Variants in SPAG9 observed in about 807,000 individuals in gnomAD.
The protein encoded by SPAG9 is sperm associated antigen 9, also known as C-Jun-amino-terminal kinase-interacting protein 4.
Under a neutral mutation model 166.5 loss-of-function variants are expected in SPAG9, and 35 were observed. The ratio of observed to expected loss-of-function variants is 0.21; its 90% CI spans 0.16 to 0.28. The LOEUF (loss-of-function observed/expected upper bound fraction) is 0.28. Among genes scored for constraint, SPAG9 ranks in the 10% least tolerant of loss-of-function variants. The pLI, the probability that SPAG9 is intolerant of heterozygous loss-of-function variation, is 1.00. For synonymous variants in SPAG9, 534 were observed against 565.5 expected, an observed-to-expected ratio of 0.94 and a Z score of 0.79; for missense variants, 1,235 against 1,603.3, an observed-to-expected ratio of 0.77 and a Z score of 3.92.
At chr17:50,972,778 C>G (rs2143613151) in intron 28 of SPAG9, among the ~76,000 whole-genome samples, 1 of 152,350 alleles carries the variant, frequency 6.6e-6, no homozygotes, top group Admixed American at 6.5e-5. Flanking sequence ...TGGAAGAAAT[C>G]AAGCATGCCA....
chr17:51,077,009 G>GCTATCTAGCTAT (rs1491203505), intron 2 of SPAG9, among the ~76,000 whole-genome samples: 4 of 69,386 alleles, frequency 5.8e-5, no homozygotes, highest in Admixed American at 1.7e-4. Flanking sequence ...TATCTAGCTA[G>GCTATCTAGCTAT]CTAGCTAGCT....
intron 2 of SPAG9, among the ~76,000 whole-genome samples, chr17:51,065,151 T>C (rs2047626256): frequency 6.6e-6 from 1 of 152,122 alleles, no homozygotes; most frequent in Admixed American, 6.5e-5. Context: ...ATACATAAAA[T>C]AAAATGGTGG....
intron 9 of SPAG9, among the ~76,000 whole-genome samples, chr17:51,008,363 CA>C (rs1301881812): frequency 1.3e-5 from 2 of 151,714 alleles, no homozygotes; most frequent in Admixed American, 1.3e-4. Flanking sequence ...ACTCAAAAAA[CA>C]AAAAATCAAA....
At position 50,962,519 on chromosome 17, in the gene SPAG9, C is replaced by A. The variant is rs868379189; in HGVS notation, c.*3753G>T. The A allele has an allele frequency of 9.9e-5, 15 of 152,128 alleles. No homozygotes were observed. The highest frequency in any genetic ancestry group is 9.2e-4 in the Admixed American group (14 of 15,282). 9.4% of individuals were successfully genotyped at this position (152,128 alleles called of 1,614,324 possible). The stretch of plus-strand genomic sequence containing the variant: ...ATTTAGTGTTACAGAATAGCATAAC[C>A]CTGTTAGAAAAGCATTTATGATTTC... On this transcript the variant is annotated 3_prime_UTR_variant, in exon 30 of 30. Transcript: ENST00000262013.
intron 2 of SPAG9, among the ~76,000 whole-genome samples, chr17:51,071,910 A>C (rs914235638): frequency 2.0e-5 from 3 of 151,164 alleles, no homozygotes; most frequent in African/African-American, 7.3e-5. Flanking sequence ...AAACATGAAA[A>C]CTAGAAAAGG....
chr17:51,001,071 G>T (rs930516319), intron 13 of SPAG9, among the ~76,000 whole-genome samples: 3 of 152,168 alleles, frequency 2.0e-5, no homozygotes, highest in Non-Finnish European at 2.9e-5. Context: ...GGCAATTAGA[G>T]AATGTGTTCA....
chr17:51,021,285 A>C lies in SPAG9; in HGVS notation c.864T>G (p.Ile288Met). 1 of 1,614,140 alleles carries C rather than the reference A, an allele frequency of 6.2e-7. No homozygotes were observed. The highest frequency in any genetic ancestry group is 8.5e-7 in the Non-Finnish European group (1 of 1,179,990). The change falls in exon 7 of 30, where the codon ATT (isoleucine) becomes ATG (methionine). Residue 288 changes from isoleucine to methionine, a missense_variant. This residue lies in a region of SPAG9 where 288 missense variants were observed against 323.7 expected (regional missense o/e 0.89). Transcript: ENST00000262013. ...CTTCCTTTAAGGGAGTATCAGTAGG[A>C]ATTGTTGCCACATCTGAATTAGCTG... ...ASTANSDVAT[I>M]PTDTPLKEEN...
intron 21 of SPAG9, 37 bp from the exon 22 acceptor site, chr17:50,987,274 T>C (rs756940972): frequency 6.3e-7 from 1 of 1,575,522 alleles, no homozygotes; most frequent in Non-Finnish European, 8.6e-7. Flanking sequence ...AATCTGAGTA[T>C]ACTTAACTAT....
intron 6 of SPAG9, among the ~76,000 whole-genome samples, chr17:51,026,320 GAAAAAAAAAA>G (rs55851511): frequency 1.2e-4 from 11 of 89,436 alleles, no homozygotes; most frequent in South Asian, 4.5e-4. Flanking sequence ...GGTGAAAAGA[GAAAAAAAAAA>G]AAAAAAAAAA....
chr17:51,077,749 C>G (rs1346731442), intron 2 of SPAG9, among the ~76,000 whole-genome samples: 3 of 152,094 alleles, frequency 2.0e-5, no homozygotes, highest in South Asian at 2.1e-4. Context: ...CTCCCAAGCT[C>G]AAGTGATCCT....
At chr17:50,985,459 T>C (rs1974974013) in intron 23 of SPAG9, among the ~76,000 whole-genome samples, 1 of 152,238 alleles carries the variant, frequency 6.6e-6, no homozygotes, top group African/African-American at 2.4e-5. Context: ...TTTCCTGCAG[T>C]GCTAAATAAA....
At chr17:50,999,573 T>C (rs1429957944) in intron 14 of SPAG9, 88 bp downstream of exon 14, 3 of 1,437,300 alleles carry the variant, frequency 2.1e-6, no homozygotes, top group Non-Finnish European at 2.8e-6. Context: ...GGAAAGAAAA[T>C]GGACATAAAA....
intron 21 of SPAG9, among the ~76,000 whole-genome samples, chr17:50,988,126 G>A (rs1181804421): frequency 6.6e-6 from 1 of 152,152 alleles, no homozygotes; most frequent in African/African-American, 2.4e-5. Context: ...TGAGGCAGGA[G>A]AATCGCTTGA....
At chr17:50,985,632 T>C in intron 23 of SPAG9, 66 bp downstream of exon 23, 1 of 877,352 alleles carries the variant, frequency 1.1e-6, no homozygotes, top group Non-Finnish European at 1.8e-6. Flanking sequence ...GCTTTCAAAG[T>C]CTTAAAATCT....
At position 50,998,444 on chromosome 17, in the gene SPAG9, T is replaced by C. The variant is rs2044775153; in HGVS notation, c.1838A>G (p.Glu613Gly). 1 of 1,611,872 alleles carries C rather than the reference T, an allele frequency of 6.2e-7. No homozygotes were observed. Among genetic ancestry groups the C allele is most frequent in the Non-Finnish European group, 8.5e-7 (1 of 1,179,022 alleles). Residue 613 changes from glutamate to glycine, a missense_variant and splice_region_variant, in exon 15 of 30, where the codon GAA becomes GGA. Physicochemically the swap from Glu to Gly is moderately conservative, Grantham distance 98. Around this residue, in one of 6 missense-constraint regions of SPAG9, gnomAD observed 493 missense variants for 559.4 expected, o/e 0.88. Coordinates refer to ENST00000262013, the MANE Select transcript of SPAG9 (RefSeq NM_001130528.3). Reference protein sequence around the residue: ...KSKAFDFLSEETEASLASRRE... With the variant: ...KSKAFDFLSEGTEASLASRRE... Reference sequence around the variant, plus strand: ...AATGATTAATTTGGAAAAGACTTACTCTTCACTAAGGAAATCAAAGGCTTT... The same window carrying C: ...AATGATTAATTTGGAAAAGACTTACCCTTCACTAAGGAAATCAAAGGCTTT...
At chr17:50,986,231 T>G (rs1267869219) in intron 22 of SPAG9, among the ~76,000 whole-genome samples, 6 of 152,160 alleles carry the variant, frequency 3.9e-5, no homozygotes, top group African/African-American at 1.4e-4. Context: ...TAAAAGTGTG[T>G]GTGGGGGGGA....
chr17:51,066,929 G>A (rs1402939645), intron 2 of SPAG9, among the ~76,000 whole-genome samples: 1 of 151,842 alleles, frequency 6.6e-6, no homozygotes, highest in Non-Finnish European at 1.5e-5. Flanking sequence ...TATTATAAAT[G>A]ATTTTCTGAA....
rs372213192 is a variant in SPAG9 at position 50,995,405 on chromosome 17, G to T, written c.2058+39C>A. ...GGTTTTAGAAAAAAAACTACCCAGA[G>T]TTTAGAAAACATCTCCTTTTAATTC... On this transcript the variant is annotated intron_variant, in intron 17 of 29. Transcript: ENST00000262013. The T allele has an allele frequency of 2.6e-5, 39 of 1,519,680 alleles. No individual in the cohort carries two copies. The African/African-American group carries it at 5.1e-4, about 20-fold the overall frequency. 94.1% of individuals were successfully genotyped at this position (1,519,680 alleles called of 1,614,324 possible).
intron 4 of SPAG9, chr17:51,046,398 A>G: frequency 2.6e-6 from 2 of 777,236 alleles, no homozygotes; most frequent in Non-Finnish European, 4.0e-6. Context: ...GCCATTTTCC[A>G]TTGTTTCAAT....
Sources: allele counts gnomAD v4.1 joint callset (sites outside exome capture counted in the v4.1 genomes callset), GRCh38; gene constraint gnomAD v4.1.1; regional missense constraint gnomAD v4.1.1; transcripts MANE v1.5; gene names NCBI Gene and HGNC (gene_info 2026-07-23, HGNC 2026-07-21).